KLHL29: variants seen among roughly 807,000 people sequenced by gnomAD.
KLHL29 encodes the protein kelch-like protein 29.
Under a neutral mutation model 80.4 loss-of-function variants are expected in KLHL29, and 21 were observed. The observed-to-expected ratio is 0.26, with a 90% CI of 0.19 to 0.38. KLHL29 has a LOEUF of 0.38. Among genes scored for constraint, KLHL29 ranks in the 10% least tolerant of loss-of-function variants. The pLI, the probability that KLHL29 is intolerant of heterozygous loss-of-function variation, is 1.00. For synonymous variants in KLHL29, 511 were observed against 526.8 expected (o/e 0.97, Z 0.41); for missense variants, 867 against 1,223.9 (o/e 0.71, Z 4.35).
chr2:23,513,222 C>T (rs1665826205), intron 2 of KLHL29, among the ~76,000 whole-genome samples: 1 of 152,194 alleles, frequency 6.6e-6, no homozygotes, highest in Admixed American at 6.5e-5. Context: ...CTTGCTGACT[C>T]CTATTTTGGG....
At chr2:23,472,604 A>G (rs941896689) in intron 1 of KLHL29, among the ~76,000 whole-genome samples, 4 of 152,208 alleles carry the variant, frequency 2.6e-5, no homozygotes, top group Non-Finnish European at 4.4e-5. Flanking sequence ...ACTGCACTCC[A>G]GCCTGGGCAA....
intron 1 of KLHL29, among the ~76,000 whole-genome samples, chr2:23,429,480 C>A (rs909800176): frequency 2.0e-5 from 3 of 152,218 alleles, no homozygotes; most frequent in Non-Finnish European, 4.4e-5. Flanking sequence ...AGGCTGGGCG[C>A]AGTGGCTCAC....
chr2:23,642,908 T>C, intron 5 of KLHL29, 58 bp downstream of exon 5: 2 of 1,536,684 alleles, frequency 1.3e-6, no homozygotes, highest in Non-Finnish European at 1.8e-6. Flanking sequence ...CCCTGCGCGG[T>C]CACTGCAACA....
In KLHL29 at chr2:23,695,770, C is replaced by T. The variant is rs1468793955; in HGVS notation, c.1690C>T (p.His564Tyr). Residue 564 changes from histidine to tyrosine, a missense_variant, in exon 9 of 14, where the codon CAC becomes TAC. Transcript: ENST00000486442. This position sits in a 1 kb window ranked among gnomAD's most constrained non-coding sequence, Gnocchi z 7.6. ...NEAKRYHMLPHARQEMQTPRT... is the reference protein window; with the variant it reads ...NEAKRYHMLPYARQEMQTPRT... ...GGCCAAACGCTACCATATGCTGCCC[C>T]ACGCCCGCCAGGAGATGCAGACGCC... 2 of 1,551,220 alleles carry T rather than the reference C, an allele frequency of 1.3e-6. No individual in the cohort carries two copies. Among genetic ancestry groups the T allele is most frequent in the Non-Finnish European group, 1.7e-6 (2 of 1,146,996 alleles).
At chr2:23,674,939 G>T (rs2149179305) in intron 5 of KLHL29, among the ~76,000 whole-genome samples, 1 of 152,082 alleles carries the variant, frequency 6.6e-6, no homozygotes, top group Non-Finnish European at 1.5e-5. Flanking sequence ...CCACCTTCAG[G>T]CTTCCAGTCC....
At chr2:23,645,989 T>C (rs1286864586) in intron 5 of KLHL29, among the ~76,000 whole-genome samples, 7 of 152,188 alleles carry the variant, frequency 4.6e-5, no homozygotes, top group Admixed American at 3.9e-4. Flanking sequence ...CTTAAGAAAC[T>C]TACAAGACAA....
rs1667477259 is a variant in KLHL29 at position 23,562,531 on chromosome 2, C to T, written c.285+50C>T. ...CAGGAGCCGGACAGAGGGGCCCTGC[C>T]TCCCTGCAGGCTCAGGCCAGCCCCA... On this transcript the variant is annotated intron_variant, in intron 3 of 13. Transcript: ENST00000486442. This position sits in a 1 kb window ranked among gnomAD's most constrained non-coding sequence, Gnocchi z 4.5. The T allele has an allele frequency of 1.3e-6, 2 of 1,521,406 alleles. No homozygotes were observed. Among genetic ancestry groups the T allele is most frequent in the Non-Finnish European group, 1.8e-6 (2 of 1,137,954 alleles). 94.2% of individuals were successfully genotyped at this position (1,521,406 alleles called of 1,614,324 possible). A position where few individuals can be genotyped will look rare whatever the true frequency, so the allele number is the denominator to read the frequency against.
At chr2:23,502,409 C>T (rs1036299010) in intron 2 of KLHL29, among the ~76,000 whole-genome samples, 3 of 152,206 alleles carry the variant, frequency 2.0e-5, no homozygotes, top group Admixed American at 6.5e-5. Flanking sequence ...GTGGGCGGTT[C>T]TCCCGGGAGG....
chr2:23,694,479 A>G (rs1005774322), intron 8 of KLHL29, among the ~76,000 whole-genome samples: 2 of 152,212 alleles, frequency 1.3e-5, no homozygotes, highest in East Asian at 3.9e-4. Context: ...CGGTCTCTCT[A>G]AAAGCACACT....
chr2:23,492,439 T>C (rs942623099), intron 2 of KLHL29, among the ~76,000 whole-genome samples: 2 of 152,188 alleles, frequency 1.3e-5, no homozygotes, highest in African/African-American at 4.8e-5. Context: ...TGCTGTTTGA[T>C]AGCAGTCACG....
At chr2:23,550,872 A>G (rs915924057) in intron 2 of KLHL29, among the ~76,000 whole-genome samples, 1 of 152,228 alleles carries the variant, frequency 6.6e-6, no homozygotes, top group Non-Finnish European at 1.5e-5. Flanking sequence ...CAATTCTGCA[A>G]GATCTAGAAT....
chr2:23,704,873 G>A (rs1049488077), intron 13 of KLHL29, among the ~76,000 whole-genome samples: 1 of 152,354 alleles, frequency 6.6e-6, no homozygotes, highest in African/African-American at 2.4e-5. Context: ...TCTTCAGTGT[G>A]GGAATAGCAT....
intron 1 of KLHL29, among the ~76,000 whole-genome samples, chr2:23,435,455 C>T (rs894534292): frequency 6.6e-6 from 1 of 152,056 alleles, no homozygotes; most frequent in African/African-American, 2.4e-5. Flanking sequence ...CCATAGAGTC[C>T]AGGTGGATAT....
At chr2:23,633,941 C>T (rs1450164734) in intron 3 of KLHL29, among the ~76,000 whole-genome samples, 1 of 152,008 alleles carries the variant, frequency 6.6e-6, no homozygotes. Flanking sequence ...ATGATTTTAC[C>T]CCACCTTTTC....
At chr2:23,694,373 T>G (rs2149209802) in intron 8 of KLHL29, among the ~76,000 whole-genome samples, 1 of 152,308 alleles carries the variant, frequency 6.6e-6, no homozygotes, top group East Asian at 1.9e-4. Flanking sequence ...CATCGAGACC[T>G]TCCTCCTCTC....
chr2:23,528,922 C>G (rs962960930), intron 2 of KLHL29, among the ~76,000 whole-genome samples: 1 of 152,192 alleles, frequency 6.6e-6, no homozygotes, highest in Admixed American at 6.5e-5. Flanking sequence ...TGCAAGTTGG[C>G]TGGGGTAGGG....
intron 2 of KLHL29, among the ~76,000 whole-genome samples, chr2:23,482,851 TCATTCATTCATTCATTCATC>T (rs1664837120): frequency 6.6e-6 from 1 of 151,662 alleles, no homozygotes; most frequent in Non-Finnish European, 1.5e-5. Flanking sequence ...ATTCATTCAT[TCATTCATTCATTCATTCATC>T]CATCACTTAC....
chr2:23,657,693 C>G (rs1670283960), intron 5 of KLHL29, among the ~76,000 whole-genome samples: 3 of 152,224 alleles, frequency 2.0e-5, no homozygotes, highest in Non-Finnish European at 4.4e-5. Flanking sequence ...GAGGTTGGGA[C>G]TCCCTGAGAG....
rs149080311 is a variant in KLHL29 at position 23,541,765 on chromosome 2, C to CAAAAAAAAAA, written c.-45-20381_-45-20380insAAAAAAAAAA. Among the ~76,000 whole-genome samples the CAAAAAAAAAA allele has an allele frequency of 1.1e-3, 149 of 139,812 alleles. 3 individuals carry two copies. Among genetic ancestry groups the CAAAAAAAAAA allele is most frequent in the African/African-American group, 4.1e-3 (141 of 34,154 alleles). 91.7% of individuals were successfully genotyped at this position (139,812 alleles called of 152,430 possible). A position where few individuals can be genotyped will look rare whatever the true frequency, so the allele number is the denominator to read the frequency against. ...AAAGAGCTTTTAAAAAAGCCCAACC[C>CAAAAAAAAAA]AAAAAACAAAAAAAAAAAAACCATA... On this transcript the variant is annotated intron_variant, in intron 2 of 13. Transcript: ENST00000486442.
Sources: allele counts gnomAD v4.1 joint callset (sites outside exome capture counted in the v4.1 genomes callset), GRCh38; gene constraint gnomAD v4.1.1; non-coding constraint Gnocchi (gnomAD v3.1); transcripts MANE v1.5; gene names NCBI Gene and HGNC (gene_info 2026-07-23, HGNC 2026-07-21).